The following ZNF280D variants were observed in gnomAD, a reference collection of about 807,000 sequenced individuals.
The protein encoded by ZNF280D is zinc finger protein 280D.
A neutral mutation model predicts 94.7 loss-of-function variants in ZNF280D; 39 were observed. The observed-to-expected ratio is 0.41, with a 90% CI of 0.32 to 0.54. The LOEUF is 0.54. ZNF280D is among the 20% of genes least tolerant of loss of function. The pLI, the probability that ZNF280D is intolerant of heterozygous loss-of-function variation, is 0.22. For synonymous variants in ZNF280D, 398 were observed against 377.6 expected (o/e 1.05, Z -0.63); for missense variants, 1,090 against 1,149.3 (o/e 0.95, Z 0.75).
At chr15:56,685,797 T>C (rs2055965937) in intron 9 of ZNF280D, among the ~76,000 whole-genome samples, 1 of 152,046 alleles carries the variant, frequency 6.6e-6, no homozygotes, top group Non-Finnish European at 1.5e-5. Context: ...AGCAACCACA[T>C]TGTGAAAGGC....
chr15:56,728,906 G>T (rs1254486201), intron 1 of ZNF280D, among the ~76,000 whole-genome samples: 1 of 152,126 alleles, frequency 6.6e-6, no homozygotes, highest in African/African-American at 2.4e-5. Flanking sequence ...AATGTTCTGT[G>T]CATATTTGAG....
Position 56,647,582 on chromosome 15 carries a change from A to G in ZNF280D, c.2214-4585T>C, listed in dbSNP as rs184304049. ...GGTCTCACTCTGTTGCCCAAGCTGG[A>G]GTGCAGTGGTATGATCACGGCTCAC... On this transcript the variant is annotated intron_variant, in intron 19 of 21. Transcript: ENST00000267807. 1.2e-3 allele frequency among the ~76,000 whole-genome samples: 182 copies of G among 152,194 alleles called. 1 individual carries two copies. Among genetic ancestry groups the G allele is most frequent in the African/African-American group, 4.1e-3 (171 of 41,526 alleles).
intron 19 of ZNF280D, 158 bp downstream of exon 19, chr15:56,654,040 C>T (rs1444889287): frequency 2.0e-6 from 3 of 1,481,630 alleles, no homozygotes; most frequent in Non-Finnish European, 2.7e-6. Flanking sequence ...TCACGAGCTC[C>T]ATAGAGCAGG....
chr15:56,669,984 T>TATTA (rs1491467814), intron 13 of ZNF280D, among the ~76,000 whole-genome samples: 3 of 1,678 alleles, frequency 1.8e-3, no homozygotes, highest in African/African-American at 7.2e-3. Context: ...AATATATATA[T>TATTA]TATATATATA....
rs1458161862 is a variant in ZNF280D, at chr15:56,704,151, C to T, written c.145G>A (p.Glu49Lys). The T allele has an allele frequency of 2.5e-6, 4 of 1,613,704 alleles. No individual in the cohort carries two copies. The highest frequency in any genetic ancestry group is 2.2e-5 in the East Asian group (1 of 44,826). ...DDDDEPIFVG[E>K]ISSSKPAISN... Reference sequence around the variant, plus strand: ...ATTGCTGGTTTTGAACTTGATATCTCGCCAACAAAGATTGGCTCATCATCA... The same window carrying T: ...ATTGCTGGTTTTGAACTTGATATCTTGCCAACAAAGATTGGCTCATCATCA... The change falls in exon 4 of 22, where the codon GAG becomes AAG. Residue 49 changes from glutamate (E) to lysine (K), a missense_variant. By Grantham distance (56) the Glu-to-Lys change is moderately conservative. This residue lies in a region of ZNF280D where 386 missense variants were observed against 372.0 expected (regional missense o/e 1.04). Transcript: ENST00000267807.
intron 20 of ZNF280D, 96 bp from the exon 21 acceptor site, chr15:56,635,346 C>CA: frequency 2.2e-6 from 1 of 448,904 alleles, no homozygotes; most frequent in Non-Finnish European, 3.6e-6. Flanking sequence ...AACAAGTGTG[C>CA]AACTTAATAT....
chr15:56,653,993 T>A (rs1276230374), intron 19 of ZNF280D: 4 of 1,432,368 alleles, frequency 2.8e-6, no homozygotes, highest in Non-Finnish European at 3.7e-6. Context: ...ATCTCAGAAC[T>A]TTGAACTTAG....
intron 1 of ZNF280D, among the ~76,000 whole-genome samples, chr15:56,723,941 C>T (rs2058505436): frequency 6.6e-6 from 1 of 152,196 alleles, no homozygotes; most frequent in Admixed American, 6.5e-5. Flanking sequence ...GAACCCTTTA[C>T]ATTAGCCTGT....
At chr15:56,679,100 T>C (rs1198307285) in intron 10 of ZNF280D, among the ~76,000 whole-genome samples, 1 of 152,142 alleles carries the variant, frequency 6.6e-6, no homozygotes, top group Non-Finnish European at 1.5e-5. Context: ...TCAGATTATT[T>C]AAAAAATTTT....
intron 7 of ZNF280D, among the ~76,000 whole-genome samples, chr15:56,690,149 G>A (rs1279152973): frequency 6.6e-6 from 1 of 152,176 alleles, no homozygotes; most frequent in Non-Finnish European, 1.5e-5. Flanking sequence ...TTGGGAGGCT[G>A]AGGCAGACAG....
At chr15:56,640,460 T>C (rs1453553906) in intron 20 of ZNF280D, among the ~76,000 whole-genome samples, 1 of 152,148 alleles carries the variant, frequency 6.6e-6, no homozygotes, top group Middle Eastern at 3.4e-3. Context: ...TTCTAGAATG[T>C]TAGTCAGAAA....
chr15:56,647,439 T>C (rs1336005332), intron 19 of ZNF280D, among the ~76,000 whole-genome samples: 2 of 152,208 alleles, frequency 1.3e-5, no homozygotes, highest in Non-Finnish European at 2.9e-5. Flanking sequence ...ATTGGATTTG[T>C]GGTGCTTACA....
At chr15:56,690,372 ACT>A (rs1392662325) in intron 7 of ZNF280D, among the ~76,000 whole-genome samples, 1 of 152,102 alleles carries the variant, frequency 6.6e-6, no homozygotes, top group African/African-American at 2.4e-5. Flanking sequence ...ACAGAGCAAG[ACT>A]CTGTCTCAAA....
At chr15:56,724,805 A>G (rs1252377730) in intron 1 of ZNF280D, 2 of 431,912 alleles carry the variant, frequency 4.6e-6, no homozygotes, top group East Asian at 7.0e-5. Context: ...AACAGACACT[A>G]CAATGTAGTG....
rs189875534 is a variant in ZNF280D at position 56,701,215 on chromosome 15, T to C, written c.199A>G (p.Ser67Gly). The change falls in exon 5 of 22, where the codon AGC becomes GGC. Residue 67 changes from serine to glycine, a missense_variant. By Grantham distance (56) the Ser-to-Gly change is moderately conservative (BLOSUM62 0). Around this residue, in one of 3 missense-constraint regions of ZNF280D, gnomAD observed 386 missense variants for 372.0 expected, o/e 1.04. Transcript: ENST00000267807. ...ISNILNRVNP[S>G]SYSRGLKNGA... is the part of the protein sequence containing the mutation. ...TTCTTTAGTCCCCTTGAATATGAGC[T>C]GGGGTTAACTCTGTTCAAAATATCT... 1 of 1,579,614 alleles carries C rather than the reference T, an allele frequency of 6.3e-7. No homozygotes were observed.
chr15:56,654,302 T>C (rs1451391624), intron 18 of ZNF280D, 68 bp from the exon 19 acceptor site: 10 of 1,596,910 alleles, frequency 6.3e-6, no homozygotes, highest in African/African-American at 2.7e-5. Context: ...AATAATGATT[T>C]AGTAAAGAGA....
chr15:56,693,262 T>C (rs368965855), intron 6 of ZNF280D, 47 bp from the exon 7 acceptor site: 5 of 633,550 alleles, frequency 7.9e-6, no homozygotes, highest in African/African-American at 5.9e-5. Context: ...TCAACAGTTA[T>C]AATTATTTCA....
intron 20 of ZNF280D, among the ~76,000 whole-genome samples, chr15:56,639,766 G>A (rs557537654): frequency 6.6e-6 from 1 of 152,188 alleles, no homozygotes; most frequent in Admixed American, 6.6e-5. Flanking sequence ...GCTAGTAGAG[G>A]ACACAATTCA....
chr15:56,685,639 C>T (rs1238363506), intron 9 of ZNF280D, among the ~76,000 whole-genome samples: 1 of 152,170 alleles, frequency 6.6e-6, no homozygotes, highest in Non-Finnish European at 1.5e-5. Context: ...CAGGAAGTTT[C>T]ATGCTACTTT....
Sources: allele counts gnomAD v4.1 joint callset (sites outside exome capture counted in the v4.1 genomes callset), GRCh38; gene constraint gnomAD v4.1.1; regional missense constraint gnomAD v4.1.1; transcripts MANE v1.5; gene names NCBI Gene and HGNC (gene_info 2026-07-23, HGNC 2026-07-21).